The following SCLT1 variants were observed in gnomAD, a reference collection of about 807,000 sequenced individuals.
The protein encoded by SCLT1 is sodium channel-associated protein 1.
In SCLT1, 78 loss-of-function variants were observed where a neutral mutation model predicts 112.8. The ratio of observed to expected loss-of-function variants is 0.69; its 90% confidence interval spans 0.58 to 0.83. The LOEUF (loss-of-function observed/expected upper bound fraction) is 0.83, where lower values mean the gene tolerates loss of function less well. SCLT1 is among the 40% of genes least tolerant of loss of function. The probability of loss-of-function intolerance (pLI) is 0.00; values close to 1 mark genes in which losing one functional copy is unlikely to be tolerated. For missense variants in SCLT1, 747 were observed against 770.4 expected, an observed-to-expected ratio of 0.97 and a Z score of 0.36; for synonymous variants, 257 against 254.7, an observed-to-expected ratio of 1.01 and a Z score of -0.09.
rs17013954 is a variant in SCLT1, at chr4:128,938,078, A to G, written c.1633-1227T>C. The stretch of plus-strand genomic sequence containing the variant: ...ACTCTCAGGCCATCTATATTTTGCT[A>G]TACTAAAGAAGTATAAAGAACACTT... On this transcript the variant is annotated intron_variant, in intron 17 of 20. Transcript: ENST00000281142. 4.5e-4 allele frequency among the ~76,000 whole-genome samples: 68 copies of G among 152,354 alleles called. 2 individuals carry two copies. The East Asian group carries it at 0.012, about 26-fold the overall frequency.
In SCLT1 at chr4:128,898,654, G is replaced by A. The variant is rs139535544; in HGVS notation, c.1830-7517C>T. Among the ~76,000 whole-genome samples, 1,340 of 152,174 alleles carry A rather than the reference G, an allele frequency of 8.8e-3. 16 individuals are homozygous for A. Among genetic ancestry groups the A allele is most frequent in the Middle Eastern group, 0.02 (6 of 294 alleles). ...CAAACACATTCAAAAGCTAGCAGATGGCAAGAAATAACTAAGATCAGAGCA... is the reference window on the plus strand; with the variant it reads ...CAAACACATTCAAAAGCTAGCAGATAGCAAGAAATAACTAAGATCAGAGCA... On this transcript the variant is annotated intron_variant, in intron 18 of 20. Transcript: ENST00000281142.
chr4:129,052,962 T>C (rs951325535), intron 2 of SCLT1, among the ~76,000 whole-genome samples: 1 of 152,244 alleles, frequency 6.6e-6, no homozygotes, highest in African/African-American at 2.4e-5. Flanking sequence ...AACATCTTTA[T>C]TTCTGCCTTC....
At chr4:128,908,177 G>A (rs766363458) in intron 18 of SCLT1, among the ~76,000 whole-genome samples, 5 of 152,032 alleles carry the variant, frequency 3.3e-5, no homozygotes, top group Non-Finnish European at 7.4e-5. Context: ...CAAAAGGTGC[G>A]CTATTCATTT....
At chr4:128,879,558 T>C (rs910363669), downstream of SCLT1, among the ~76,000 whole-genome samples, 3 of 152,212 alleles carry the variant, frequency 2.0e-5, no homozygotes, top group Non-Finnish European at 4.4e-5. Flanking sequence ...GAGCAAATGA[T>C]TTAACTTTTA....
intron 18 of SCLT1, among the ~76,000 whole-genome samples, chr4:128,932,772 C>G (rs1736878681): frequency 6.6e-6 from 1 of 152,030 alleles, no homozygotes; most frequent in Admixed American, 6.6e-5. Flanking sequence ...GTTCAAAACA[C>G]AAAATATCAG....
At chr4:128,978,680 T>C (rs761277031) in intron 9 of SCLT1, among the ~76,000 whole-genome samples, 2 of 151,984 alleles carry the variant, frequency 1.3e-5, no homozygotes. Flanking sequence ...AGAGTGACTA[T>C]AATAAATACA....
intron 13 of SCLT1, among the ~76,000 whole-genome samples, chr4:128,954,317 G>GT (rs372723818): frequency 1.5e-3 from 169 of 113,738 alleles, no homozygotes; most frequent in Non-Finnish European, 2.4e-3. Flanking sequence ...GTCTATTTTA[G>GT]TTTTTTTTTT....
intron 6 of SCLT1, among the ~76,000 whole-genome samples, chr4:129,002,988 T>A (rs532654584): frequency 3.8e-4 from 58 of 152,310 alleles, no homozygotes; most frequent in African/African-American, 1.3e-3. Flanking sequence ...TGCACATGTA[T>A]GTTTATTGCA....
chr4:129,076,715 A>G (rs72926067), intron 2 of SCLT1, among the ~76,000 whole-genome samples: 2,178 of 152,162 alleles, frequency 0.014, 47 homozygotes, highest in African/African-American at 0.044. Flanking sequence ...AGGACTGGGA[A>G]AAAGGGAAAT....
intron 5 of SCLT1, among the ~76,000 whole-genome samples, chr4:129,025,769 G>A (rs1158686120): frequency 6.6e-6 from 1 of 151,954 alleles, no homozygotes; most frequent in African/African-American, 2.4e-5. Context: ...TGGATAAAGA[G>A]TCAAGACACA....
intron 5 of SCLT1, among the ~76,000 whole-genome samples, chr4:129,016,926 C>A (rs1373072283): frequency 1.3e-5 from 2 of 152,088 alleles, no homozygotes. Context: ...GATTACAGTA[C>A]CTACTCTGTC....
Position 128,943,039 on chromosome 4 carries a change from A to G in SCLT1, c.1589T>C (p.Leu530Ser). Residue 530 changes from leucine (L) to serine (S), a missense_variant, in exon 17 of 21, where the codon TTA (leucine) becomes TCA (serine). This residue lies in a region of SCLT1 where 723 missense variants were observed against 721.3 expected (regional missense o/e 1.00). Transcript: ENST00000281142. ...NKQLRKETESLRKIALEAQKK... is the reference protein window; with the variant it reads ...NKQLRKETESSRKIALEAQKK... ...TTGAGCCTCCAGGGCAATCTTCCTTAAACTCTCAGTCTCTTTCCGTAACTG... is the reference window on the plus strand; with the variant it reads ...TTGAGCCTCCAGGGCAATCTTCCTTGAACTCTCAGTCTCTTTCCGTAACTG... 6.2e-7 allele frequency: 1 copy of G among 1,612,904 alleles called. No individual in the cohort carries two copies. Among genetic ancestry groups the G allele is most frequent in the Admixed American group, 1.7e-5 (1 of 59,906 alleles).
intron 5 of SCLT1, chr4:128,873,273 G>GAAAAAAAAAAAAAAAAAAAAA (rs1553953485): frequency 2.5e-5 from 2 of 78,660 alleles, no homozygotes; most frequent in African/African-American, 4.7e-5. Context: ...AAAAAAAAAA[G>GAAAAAAAAAAAAAAAAAAAAA]AAAAAAAGAA....
At chr4:128,990,661 T>C (rs948534326) in intron 9 of SCLT1, among the ~76,000 whole-genome samples, 1 of 151,850 alleles carries the variant, frequency 6.6e-6, no homozygotes, top group African/African-American at 2.4e-5. Context: ...TTATCCTTGT[T>C]TGCAGATGAC....
At chr4:129,019,756 G>C (rs1358563707) in intron 5 of SCLT1, among the ~76,000 whole-genome samples, 2 of 151,622 alleles carry the variant, frequency 1.3e-5, no homozygotes, top group African/African-American at 2.4e-5. Flanking sequence ...AAGCCTCCTT[G>C]GTGAAAATAG....
chr4:128,950,018 A>C (rs577935871), intron 14 of SCLT1, among the ~76,000 whole-genome samples: 8 of 152,246 alleles, frequency 5.3e-5, no homozygotes, highest in Non-Finnish European at 1.0e-4. Context: ...CATTGATGAT[A>C]ATGAAGATCT....
chr4:128,988,042 A>T (rs1742252205), intron 9 of SCLT1, among the ~76,000 whole-genome samples: 2 of 152,172 alleles, frequency 1.3e-5, no homozygotes, highest in Admixed American at 1.3e-4. Flanking sequence ...GTCAACACCG[A>T]ACCTGTCTTA....
At chr4:129,080,837 G>C (rs1350103724) in intron 2 of SCLT1, among the ~76,000 whole-genome samples, 3 of 151,988 alleles carry the variant, frequency 2.0e-5, no homozygotes, top group African/African-American at 4.8e-5. Flanking sequence ...AATTTATAAA[G>C]AAAAAAAGGT....
At chr4:129,005,239 T>C (rs1399197743) in intron 5 of SCLT1, among the ~76,000 whole-genome samples, 3 of 152,206 alleles carry the variant, frequency 2.0e-5, no homozygotes, top group African/African-American at 7.2e-5. Context: ...ATCATTTTCA[T>C]CATATGGTTA....
Sources: gnomAD v4.1 joint callset for allele counts (sites outside exome capture counted in the v4.1 genomes callset) on GRCh38, gnomAD v4.1.1 for gene constraint, gnomAD v4.1.1 regional missense constraint, MANE v1.5 for transcripts, NCBI Gene and HGNC (gene_info 2026-07-23, HGNC 2026-07-21) for gene names.